Variants in CCDC192 observed in about 807,000 individuals in gnomAD.
The protein encoded by CCDC192 is coiled-coil domain containing 192, also known as coiled-coil domain-containing protein 192.
rs531563288 is a variant in CCDC192 at position 127,802,271 on chromosome 5, G to A, written c.411+4109G>A. On this transcript the variant is annotated intron_variant, in intron 5 of 6. Coordinates refer to ENST00000514853, the MANE Select transcript of CCDC192 (RefSeq NM_001317938.2). ...TTGTAGCTACTCAATACATTTTGCT[G>A]AATTGCATTGAATTTTATTCTGATC... Among the ~76,000 whole-genome samples, 138 of 152,274 alleles carry A rather than the reference G, an allele frequency of 9.1e-4. 3 individuals carry two copies. Among genetic ancestry groups the A allele is most frequent in the Admixed American group, 1.7e-3 (26 of 15,292 alleles).
intron 6 of CCDC192, among the ~76,000 whole-genome samples, chr5:127,891,499 C>CT (rs1446337169): frequency 1.2e-5 from 1 of 80,188 alleles, no homozygotes; most frequent in African/African-American, 5.6e-5. Flanking sequence ...GAAGAAGGGT[C>CT]CCTCCTCCCA....
intron 2 of CCDC192, among the ~76,000 whole-genome samples, chr5:127,744,988 T>G (rs1021483735): frequency 1.3e-5 from 2 of 152,196 alleles, no homozygotes; most frequent in Non-Finnish European, 2.9e-5. Flanking sequence ...CCAGGTCAGA[T>G]GCATGAAAAG....
chr5:127,896,410 C>A (rs1229081807), intron 6 of CCDC192, among the ~76,000 whole-genome samples: 3 of 151,670 alleles, frequency 2.0e-5, no homozygotes, highest in East Asian at 3.9e-4. Context: ...ACTTGTAGCT[C>A]CTGATTCTTT....
intron 3 of CCDC192, among the ~76,000 whole-genome samples, chr5:127,768,777 G>T (rs1755381631): frequency 6.6e-6 from 1 of 152,260 alleles, no homozygotes; most frequent in African/African-American, 2.4e-5. Context: ...TTTGTTGTTT[G>T]TTTAACTCCT....
At chr5:127,933,440 C>T (rs1191628984) in intron 6 of CCDC192, among the ~76,000 whole-genome samples, 3 of 152,114 alleles carry the variant, frequency 2.0e-5, no homozygotes, top group Admixed American at 2.0e-4. Flanking sequence ...TGAGTATATG[C>T]CTCAGACTGA....
chr5:127,823,836 C>T (rs1749407509), intron 5 of CCDC192, among the ~76,000 whole-genome samples: 2 of 152,190 alleles, frequency 1.3e-5, no homozygotes, highest in Non-Finnish European at 2.9e-5. Flanking sequence ...CTTTCTGTTC[C>T]AACTGTGCCT....
At chr5:127,874,165 CT>C (rs1751974514) in intron 5 of CCDC192, among the ~76,000 whole-genome samples, 1 of 152,180 alleles carries the variant, frequency 6.6e-6, no homozygotes, top group African/African-American at 2.4e-5. Flanking sequence ...AAAACCAGGC[CT>C]CTGTGTTGTG....
chr5:127,912,600 G>A (rs928722501), intron 6 of CCDC192, among the ~76,000 whole-genome samples: 3 of 152,090 alleles, frequency 2.0e-5, no homozygotes, highest in African/African-American at 7.2e-5. Context: ...GGCAAGGGAG[G>A]CAGCCTCTTA....
In CCDC192 at chr5:127,751,342, T is replaced by G. The variant is rs1754154486; in HGVS notation, c.115-2926T>G. ...CAAAATCTCTCAGCATTTGCTTGTC[T>G]GTAAAGTATTTTATTTCTCCTTCAC... On this transcript the variant is annotated intron_variant, in intron 2 of 6. Coordinates refer to ENST00000514853, the MANE Select transcript of CCDC192 (RefSeq NM_001317938.2). 3.3e-5 allele frequency among the ~76,000 whole-genome samples: 5 copies of G among 152,180 alleles called. No individual in the cohort carries two copies. The South Asian group carries it at 1.0e-3, about 32-fold the overall frequency.
chr5:127,859,651 CT>C (rs1751272398), intron 5 of CCDC192, among the ~76,000 whole-genome samples: 2 of 152,150 alleles, frequency 1.3e-5, no homozygotes, highest in South Asian at 4.1e-4. Context: ...TCAAAAATAG[CT>C]GCTCTCCCAT....
intron 5 of CCDC192, among the ~76,000 whole-genome samples, chr5:127,841,943 C>G (rs893257193): frequency 8.5e-5 from 13 of 152,220 alleles, no homozygotes; most frequent in African/African-American, 2.7e-4. Flanking sequence ...TGAATGTTGA[C>G]TATTGCTTGG....
intron 5 of CCDC192, among the ~76,000 whole-genome samples, chr5:127,870,793 A>G (rs1751821261): frequency 1.3e-5 from 2 of 152,250 alleles, no homozygotes; most frequent in Non-Finnish European, 2.9e-5. Flanking sequence ...AATACGAAAC[A>G]TGTAAAATTG....
intron 5 of CCDC192, among the ~76,000 whole-genome samples, chr5:127,854,008 G>A (rs1750934778): frequency 6.6e-6 from 1 of 152,112 alleles, no homozygotes; most frequent in African/African-American, 2.4e-5. Flanking sequence ...CCTTCATCAT[G>A]AAACCATTTA....
intron 3 of CCDC192, chr5:127,784,834 A>T (rs559297045): frequency 4.3e-6 from 2 of 463,096 alleles, no homozygotes; most frequent in Non-Finnish European, 4.3e-6. Flanking sequence ...AGTCTTCCTC[A>T]ATATTTTTGT....
At chr5:127,799,022 C>A (rs942259267) in intron 5 of CCDC192, among the ~76,000 whole-genome samples, 1 of 152,180 alleles carries the variant, frequency 6.6e-6, no homozygotes, top group African/African-American at 2.4e-5. Context: ...TAGACATCTC[C>A]TCAAAGACTT....
chr5:127,808,755 C>G (rs186749857), intron 5 of CCDC192, among the ~76,000 whole-genome samples: 1 of 152,138 alleles, frequency 6.6e-6, no homozygotes, highest in Admixed American at 6.6e-5. Context: ...CCATGGATCT[C>G]TTTTTTGCCT....
Position 127,789,452 on chromosome 5 carries a change from A to G in CCDC192, c.223-7651A>G, listed in dbSNP as rs193244460. Among the ~76,000 whole-genome samples the G allele has an allele frequency of 2.6e-5, 4 of 152,386 alleles. No homozygotes were observed. In the East Asian group the frequency reaches 7.7e-4, roughly 29 times the overall value. On this transcript the variant is annotated intron_variant, in intron 3 of 6. Transcript: ENST00000514853. ...CCAGAGGAAAGCAATCCTTGTTGTA[A>G]TGTGGCAAAGAACCTGGCTAAATTA...
At chr5:127,904,447 C>G (rs1472646849) in intron 6 of CCDC192, among the ~76,000 whole-genome samples, 1 of 151,022 alleles carries the variant, frequency 6.6e-6, no homozygotes, top group Non-Finnish European at 1.5e-5. Context: ...ATGGTTTGTA[C>G]AGACCACTTA....
intron 5 of CCDC192, among the ~76,000 whole-genome samples, chr5:127,802,412 C>T (rs922250633): frequency 1.3e-5 from 2 of 152,154 alleles, no homozygotes; most frequent in Admixed American, 6.5e-5. Flanking sequence ...GACCTGACCC[C>T]CTTTCCTGCC....
Sources: gnomAD v4.1 joint callset for allele counts (sites outside exome capture counted in the v4.1 genomes callset) on GRCh38, gnomAD v4.1.1 for gene constraint, MANE v1.5 for transcripts, NCBI Gene and HGNC (gene_info 2026-07-23, HGNC 2026-07-21) for gene names.